The following GPHN variants were observed in gnomAD, a reference collection of about 807,000 sequenced individuals.
GPHN encodes gephyrin.
GPHN carries 17 observed loss-of-function variants against 95.5 expected under a neutral mutation model. That is an observed-to-expected ratio of 0.18 (90% CI 0.12 to 0.27). The LOEUF is 0.27. Ranked by LOEUF, GPHN falls within the 10% of genes least tolerant of loss-of-function variation. The probability of loss-of-function intolerance (pLI) is 1.00; values close to 1 mark genes in which losing one functional copy is unlikely to be tolerated. For missense variants in GPHN, 660 were observed against 978.1 expected, an observed-to-expected ratio of 0.67 and a Z score of 4.34; for synonymous variants, 320 against 322.5, an observed-to-expected ratio of 0.99 and a Z score of 0.08.
chr14:66,618,297 C>T (rs539895204), intron 1 of GPHN, among the ~76,000 whole-genome samples: 37 of 152,190 alleles, frequency 2.4e-4, no homozygotes, highest in Admixed American at 2.0e-3. Flanking sequence ...AGGCTGGTCT[C>T]GAACTCCTGA....
At chr14:67,270,914 G>A in the GPHN span, 1 of 152,142 alleles carries the variant, frequency 6.6e-6, no homozygotes, top group Admixed American at 6.5e-5. Flanking sequence ...AGGTCTTGAA[G>A]GTAGAAATCA....
the GPHN span, chr14:67,616,471 C>T: frequency 6.9e-6 from 1 of 144,428 alleles, no homozygotes; most frequent in Non-Finnish European, 1.4e-5. Flanking sequence ...ACTGAATACT[C>T]TGTAATTGCA....
the GPHN span, chr14:67,303,435 G>A: frequency 9.5e-7 from 1 of 1,050,982 alleles, no homozygotes. Context: ...TTCTGAAATA[G>A]TCCAGTTTAG....
intron 8 of GPHN, among the ~76,000 whole-genome samples, chr14:66,950,384 A>C (rs2068032852): frequency 6.6e-6 from 1 of 152,136 alleles, no homozygotes; most frequent in African/African-American, 2.4e-5. Flanking sequence ...GCCAAATTGC[A>C]ATTTTCAGAC....
the GPHN span, among the ~76,000 whole-genome samples, chr14:67,621,593 G>A: frequency 1.3e-5 from 2 of 151,660 alleles, no homozygotes; most frequent in Non-Finnish European, 2.9e-5. Context: ...TTACAGGTGC[G>A]TGCCACCACA....
At chr14:67,138,857 A>G (rs1347321795) in intron 17 of GPHN, among the ~76,000 whole-genome samples, 1 of 149,056 alleles carries the variant, frequency 6.7e-6, no homozygotes, top group Non-Finnish European at 1.5e-5. Flanking sequence ...ACCTCAGACA[A>G]ATCCATACCT....
chr14:67,537,293 G>A, the GPHN span, among the ~76,000 whole-genome samples: 5 of 148,164 alleles, frequency 3.4e-5, no homozygotes, highest in Non-Finnish European at 5.9e-5. Context: ...GCAGAGAGCC[G>A]AGATTGCACC....
chr14:67,354,584 A>G, the GPHN span, among the ~76,000 whole-genome samples: 23,577 of 152,096 alleles, frequency 0.16, 3,457 homozygotes, highest in East Asian at 0.42. Flanking sequence ...ATCAGAGTTC[A>G]CCTATGATGG....
At chr14:67,167,075 A>G (rs1056600484) in intron 20 of GPHN, among the ~76,000 whole-genome samples, 8 of 152,156 alleles carry the variant, frequency 5.3e-5, no homozygotes, top group Non-Finnish European at 1.0e-4. Context: ...TTGTATATTT[A>G]CTTGTTTTTT....
chr14:67,490,035 C>T, the GPHN span, among the ~76,000 whole-genome samples: 6 of 152,068 alleles, frequency 3.9e-5, 1 homozygote, highest in South Asian at 4.1e-4. Flanking sequence ...TCCCCCACCA[C>T]GCTATGAATT....
At chr14:67,027,008 C>T (rs1490811292) in intron 10 of GPHN, among the ~76,000 whole-genome samples, 1 of 152,044 alleles carries the variant, frequency 6.6e-6, no homozygotes, top group Admixed American at 6.5e-5. Context: ...CTTCAAAACC[C>T]GATTCAATAT....
intron 2 of GPHN, among the ~76,000 whole-genome samples, chr14:66,736,830 G>C (rs915582009): frequency 1.3e-5 from 2 of 152,022 alleles, no homozygotes; most frequent in African/African-American, 4.8e-5. Flanking sequence ...GCAGTGTTTT[G>C]AATTATCTCA....
At chr14:66,573,399 C>A (rs1311601011) in intron 1 of GPHN, among the ~76,000 whole-genome samples, 2 of 150,304 alleles carry the variant, frequency 1.3e-5, no homozygotes, top group African/African-American at 2.4e-5. Context: ...TATAAACTTA[C>A]AATTGTTATA....
At chr14:67,637,956 G>A in the GPHN span, among the ~76,000 whole-genome samples, 1 of 152,162 alleles carries the variant, frequency 6.6e-6, no homozygotes, top group Non-Finnish European at 1.5e-5. Flanking sequence ...AAGAGGAGGT[G>A]TGCTTTCTCA....
chr14:67,486,332 T>C, the GPHN span, among the ~76,000 whole-genome samples: 1 of 152,256 alleles, frequency 6.6e-6, no homozygotes, highest in East Asian at 1.9e-4. Flanking sequence ...TGGGGTGCAA[T>C]GGCACGATCT....
intron 1 of GPHN, among the ~76,000 whole-genome samples, chr14:66,606,060 C>G (rs542335617): frequency 6.6e-6 from 1 of 152,156 alleles, no homozygotes; most frequent in South Asian, 2.1e-4. Context: ...GTCATAAATT[C>G]TTTGCCAAAC....
chr14:66,751,251 G>A (rs542490082), intron 2 of GPHN, among the ~76,000 whole-genome samples: 1 of 151,960 alleles, frequency 6.6e-6, no homozygotes, highest in East Asian at 1.9e-4. Flanking sequence ...CTGTCTCCAC[G>A]TCTTTGTGGA....
the GPHN span, among the ~76,000 whole-genome samples, chr14:67,422,638 C>T: frequency 6.6e-6 from 1 of 152,158 alleles, no homozygotes; most frequent in African/African-American, 2.4e-5. Flanking sequence ...CCAGTTCACC[C>T]CTAACTTCTT....
intron 1 of GPHN, among the ~76,000 whole-genome samples, chr14:66,621,400 C>G (rs2063294992): frequency 6.7e-6 from 1 of 149,682 alleles, no homozygotes; most frequent in Admixed American, 6.7e-5. Flanking sequence ...CAGATGTGAG[C>G]CACAGTGCCT....
Sources: allele counts gnomAD v4.1 joint callset (sites outside exome capture counted in the v4.1 genomes callset), GRCh38; gene constraint gnomAD v4.1.1; transcripts MANE v1.5; gene names NCBI Gene and HGNC (gene_info 2026-07-23, HGNC 2026-07-21).